The following LCOR variants were observed in gnomAD, a reference collection of about 807,000 sequenced individuals.
LCOR encodes the protein ligand-dependent corepressor.
In LCOR, 14 loss-of-function variants were observed where a neutral mutation model predicts 64.4. That is an observed-to-expected ratio of 0.22 (90% CI 0.14 to 0.34). The LOEUF (loss-of-function observed/expected upper bound fraction) is 0.34. Ranked by LOEUF, LCOR falls within the 10% of genes least tolerant of loss-of-function variation. LCOR has a pLI of 1.00. For synonymous variants in LCOR, 643 were observed against 642.5 expected, an observed-to-expected ratio of 1.00 and a Z score of -0.01; for missense variants, 1,686 against 1,765.3, an observed-to-expected ratio of 0.96 and a Z score of 0.80.
At chr10:96,856,724 G>C (rs1422496568) in intron 2 of LCOR, among the ~76,000 whole-genome samples, 1 of 151,150 alleles carries the variant, frequency 6.6e-6, no homozygotes, top group East Asian at 2.0e-4. Flanking sequence ...TGATTCTCCT[G>C]CCTTGGCCTC....
intron 7 of LCOR, among the ~76,000 whole-genome samples, chr10:96,970,506 ATCT>A (rs986506988): frequency 1.3e-5 from 2 of 152,042 alleles, no homozygotes; most frequent in African/African-American, 4.8e-5. Flanking sequence ...AAAAAAATCC[ATCT>A]TCTTGGATTT....
chr10:96,883,632 T>A (rs1017508166), intron 2 of LCOR, among the ~76,000 whole-genome samples: 2 of 152,226 alleles, frequency 1.3e-5, no homozygotes, highest in African/African-American at 4.8e-5. Flanking sequence ...TTACTTGCCT[T>A]CTGTATGTCT....
At chr10:96,896,720 G>A (rs1054159657) in intron 2 of LCOR, among the ~76,000 whole-genome samples, 1 of 151,976 alleles carries the variant, frequency 6.6e-6, no homozygotes, top group Non-Finnish European at 1.5e-5. Context: ...CATGATACTC[G>A]GCCCAAAGTA....
At position 96,983,762 on chromosome 10, in the gene LCOR, G is replaced by T. The variant is rs776550232; in HGVS notation, c.3302G>T (p.Trp1101Leu). ...VVDEQPKFMEWCAEEENQELI... is the reference protein window; with the variant it reads ...VVDEQPKFMELCAEEENQELI... The stretch of plus-strand genomic sequence containing the variant: ...GATGAACAGCCAAAGTTTATGGAAT[G>T]GTGTGCTGAGGAGGAGAACCAAGAG... The change falls in exon 8 of 8, where the codon TGG becomes TTG. Residue 1101 changes from tryptophan to leucine, a missense_variant. Physicochemically the swap from Trp to Leu is moderately conservative, Grantham distance 61. Coordinates refer to ENST00000421806, the MANE Select transcript of LCOR (RefSeq NM_001346516.2). This position sits in a 1 kb window ranked among gnomAD's most constrained non-coding sequence, Gnocchi z 4.5. The T allele has an allele frequency of 6.2e-7, 1 of 1,614,138 alleles. No individual in the cohort carries two copies. Among genetic ancestry groups the T allele is most frequent in the South Asian group, 1.1e-5 (1 of 91,062 alleles).
intron 4 of LCOR, among the ~76,000 whole-genome samples, chr10:96,920,798 TG>T (rs1391795256): frequency 1.9e-5 from 2 of 104,280 alleles, no homozygotes; most frequent in East Asian, 3.0e-4. Flanking sequence ...ACACGCGCGG[TG>T]GGGGGGTGGT....
intron 4 of LCOR, among the ~76,000 whole-genome samples, chr10:96,939,686 C>T (rs750218990): frequency 1.4e-4 from 21 of 152,184 alleles, no homozygotes; most frequent in East Asian, 3.9e-4. Context: ...GGATCTAGGC[C>T]GGGCGCGGGG....
intron 2 of LCOR, among the ~76,000 whole-genome samples, chr10:96,900,777 G>C (rs1414431893): frequency 6.6e-6 from 1 of 151,670 alleles, no homozygotes; most frequent in Non-Finnish European, 1.5e-5. Flanking sequence ...CCAAATCAGA[G>C]AATATCTATA....
Position 96,992,983 on chromosome 10 carries a change from C to G in LCOR, c.*7849C>G, listed in dbSNP as rs1486897988. 1 of 152,272 alleles carries G rather than the reference C, an allele frequency of 6.6e-6. No homozygotes were observed. The highest frequency in any genetic ancestry group is 1.9e-4 in the East Asian group (1 of 5,200). 9.4% of individuals were successfully genotyped at this position (152,272 alleles called of 1,614,324 possible). ...ATCTGTGCAGATGTGGGCCAGTCCC[C>G]CTGTAACCAGTGGTTACAGAATGAT... On this transcript the variant is annotated 3_prime_UTR_variant, in exon 8 of 8. Transcript: ENST00000421806.
chr10:96,979,624 A>G (rs1280137773), intron 7 of LCOR, among the ~76,000 whole-genome samples: 2 of 152,216 alleles, frequency 1.3e-5, no homozygotes, highest in African/African-American at 4.8e-5. Context: ...GTGGGCCTTG[A>G]ATAAAGATAC....
At chr10:96,902,791 C>T (rs1846662132) in intron 2 of LCOR, among the ~76,000 whole-genome samples, 1 of 152,172 alleles carries the variant, frequency 6.6e-6, no homozygotes, top group Non-Finnish European at 1.5e-5. Context: ...TGCCAGCAAG[C>T]ACCTTTGAAC....
intron 2 of LCOR, among the ~76,000 whole-genome samples, chr10:96,853,643 T>G (rs996432859): frequency 6.6e-6 from 1 of 152,194 alleles, no homozygotes; most frequent in African/African-American, 2.4e-5. Context: ...TTGACCTAAG[T>G]TGGGATAACT....
chr10:96,922,756 T>C (rs765712114), intron 4 of LCOR, among the ~76,000 whole-genome samples: 22 of 152,224 alleles, frequency 1.4e-4, no homozygotes, highest in Non-Finnish European at 2.6e-4. Context: ...ATGCTGATTA[T>C]AGATACTGGT....
chr10:96,846,418 A>C (rs61858078), intron 2 of LCOR, among the ~76,000 whole-genome samples: 1 of 151,798 alleles, frequency 6.6e-6, no homozygotes, highest in African/African-American at 2.4e-5. Flanking sequence ...ATGCCTGGCT[A>C]ATTTTTTTTT....
rs543196126 is a variant in LCOR at position 96,856,283 on chromosome 10, C to T, written c.-330+22804C>T. On this transcript the variant is annotated intron_variant, in intron 2 of 7. Transcript: ENST00000421806. ...AGACAGGATTTCACCAGGCTGGTCT[C>T]GAAATCCTGACCTTGTGATCCGCCC... Among the ~76,000 whole-genome samples the T allele has an allele frequency of 4.6e-5, 7 of 152,228 alleles. No individual in the cohort carries two copies. The South Asian group carries it at 8.3e-4, about 18-fold the overall frequency.
At position 96,981,955 on chromosome 10, in the gene LCOR, A is replaced by G; in HGVS notation, c.1495A>G (p.Lys499Glu). 6.2e-7 allele frequency: 1 copy of G among 1,614,168 alleles called. No individual in the cohort carries two copies. The highest frequency in any genetic ancestry group is 8.5e-7 in the Non-Finnish European group (1 of 1,180,044). Residue 499 changes from lysine (K) to glutamate (E), a missense_variant, in exon 8 of 8, where the codon AAG (lysine) becomes GAG (glutamate). Coordinates refer to ENST00000421806, the MANE Select transcript of LCOR (RefSeq NM_001346516.2). Reference protein sequence around the residue: ...SILSSRKTARKSTRGYFFNGD... With the variant: ...SILSSRKTARESTRGYFFNGD... The stretch of plus-strand genomic sequence containing the variant: ...ATTATCTTCTCGGAAAACAGCCAGA[A>G]AGAGTACTCGAGGATACTTTTTCAA...
chr10:96,864,118 A>G (rs1845932758), intron 2 of LCOR, among the ~76,000 whole-genome samples: 1 of 152,196 alleles, frequency 6.6e-6, no homozygotes, highest in Non-Finnish European at 1.5e-5. Flanking sequence ...ATATCTTAGA[A>G]ACTCCGGAAG....
intron 2 of LCOR, among the ~76,000 whole-genome samples, chr10:96,893,664 G>C (rs1846485319): frequency 6.6e-6 from 1 of 151,890 alleles, no homozygotes; most frequent in African/African-American, 2.4e-5. Flanking sequence ...TCGGGAGGCT[G>C]AGGCAGGAGA....
chr10:96,897,737 CAA>C (rs1353732048), intron 2 of LCOR, among the ~76,000 whole-genome samples: 2 of 151,802 alleles, frequency 1.3e-5, no homozygotes, highest in African/African-American at 2.4e-5. Flanking sequence ...CAGCTTTCCG[CAA>C]AAAAAGTTTG....
At chr10:96,937,957 T>C (rs1847380528) in intron 4 of LCOR, among the ~76,000 whole-genome samples, 1 of 151,472 alleles carries the variant, frequency 6.6e-6, no homozygotes, top group Admixed American at 6.6e-5. Context: ...TATTTATTTA[T>C]TATTTGAGGG....
Sources: allele counts gnomAD v4.1 joint callset (sites outside exome capture counted in the v4.1 genomes callset), GRCh38; gene constraint gnomAD v4.1.1; non-coding constraint Gnocchi (gnomAD v3.1); transcripts MANE v1.5; gene names NCBI Gene and HGNC (gene_info 2026-07-23, HGNC 2026-07-21).